Variants in KCTD15 observed in about 807,000 individuals in gnomAD.
The protein encoded by KCTD15 is BTB/POZ domain-containing protein KCTD15.
A neutral mutation model predicts 27.2 loss-of-function variants in KCTD15; 11 were observed. The observed-to-expected ratio is 0.41, with a 90% CI of 0.25 to 0.67. The LOEUF (loss-of-function observed/expected upper bound fraction) is 0.67. KCTD15 is among the 30% of genes least tolerant of loss of function. KCTD15 has a pLI of 0.35. For synonymous variants in KCTD15, 163 were observed against 176.0 expected, an observed-to-expected ratio of 0.93 and a Z score of 0.58; for missense variants, 350 against 409.3, an observed-to-expected ratio of 0.86 and a Z score of 1.25.
intron 4 of KCTD15, among the ~76,000 whole-genome samples, chr19:33,802,709 T>C (rs1568377923): frequency 6.6e-6 from 1 of 152,226 alleles, no homozygotes; most frequent in Non-Finnish European, 1.5e-5. Flanking sequence ...AGATAGATTC[T>C]GCTTATTTAA....
At chr19:33,796,055 C>G (rs565826361), upstream of KCTD15, 1 of 152,278 alleles carries the variant, frequency 6.6e-6, no homozygotes, top group East Asian at 1.9e-4. Flanking sequence ...CAGCCCCGGG[C>G]GCCGCGGCGG....
At chr19:33,810,479 A>C (rs1229538914) in intron 5 of KCTD15, among the ~76,000 whole-genome samples, 1 of 152,164 alleles carries the variant, frequency 6.6e-6, no homozygotes, top group African/African-American at 2.4e-5. Flanking sequence ...CAGGAGTTCA[A>C]GACCAGCCTG....
At chr19:33,795,763 C>T (rs1416298004), upstream of KCTD15, among the ~76,000 whole-genome samples, 1 of 152,068 alleles carries the variant, frequency 6.6e-6, no homozygotes, top group Non-Finnish European at 1.5e-5. Context: ...GAGGGGCGTC[C>T]GGGGCGCGGA....
upstream of KCTD15, among the ~76,000 whole-genome samples, chr19:33,794,061 T>A (rs762394228): frequency 6.6e-6 from 1 of 151,888 alleles, no homozygotes; most frequent in Non-Finnish European, 1.5e-5. Flanking sequence ...ATTTTTATTA[T>A]AATTGGTATA....
At chr19:33,803,228 C>G (rs996779810) in intron 4 of KCTD15, among the ~76,000 whole-genome samples, 1 of 152,150 alleles carries the variant, frequency 6.6e-6, no homozygotes, top group Non-Finnish European at 1.5e-5. Flanking sequence ...GGATGGCTGA[C>G]CTGCAGGACA....
chr19:33,810,451 A>G (rs1047732659), intron 5 of KCTD15, among the ~76,000 whole-genome samples: 1 of 152,162 alleles, frequency 6.6e-6, no homozygotes, highest in African/African-American at 2.4e-5. Context: ...AGGCCGAGGC[A>G]GGTGGATCAC....
intron 4 of KCTD15, among the ~76,000 whole-genome samples, chr19:33,803,383 C>T (rs1975621731): frequency 6.6e-6 from 1 of 152,220 alleles, no homozygotes; most frequent in South Asian, 2.1e-4. Flanking sequence ...ATCAATCTCA[C>T]CTAGTGTCAC....
chr19:33,811,316 T>C lies in KCTD15; in HGVS notation c.457T>C (p.Trp153Arg), dbSNP rs1975902312. 5 of 1,551,736 alleles carry C rather than the reference T, an allele frequency of 3.2e-6. No individual in the cohort carries two copies. The highest frequency in any genetic ancestry group is 4.4e-6 in the Non-Finnish European group (5 of 1,147,768). The change falls in exon 6 of 7, where the codon TGG becomes CGG. Residue 153 changes from tryptophan (W) to arginine (R), a missense_variant. Transcript: ENST00000683859. ...LQPMVRELER[W>R]QQEQEQRRRS... ...GCCCATGGTGCGCGAGCTGGAGCGC[T>C]GGCAGCAGGAGCAGGAGCAGCGGCG... is the stretch of plus-strand genomic sequence containing the variant.
At position 33,815,004 on chromosome 19, in the gene KCTD15, T is replaced by A. The variant is rs1328484364; in HGVS notation, c.*2056T>A. The A allele has an allele frequency of 6.6e-6, 1 of 152,236 alleles. No homozygotes were observed. The highest frequency in any genetic ancestry group is 1.5e-5 in the Non-Finnish European group (1 of 68,038). 9.4% of individuals were successfully genotyped at this position (152,236 alleles called of 1,614,324 possible). Reference sequence around the variant, plus strand: ...GTTGGCACATCTGCGTTTTGGCATCTGAGGCTCCCATCTGAGTGGAGGAGA... The same window carrying A: ...GTTGGCACATCTGCGTTTTGGCATCAGAGGCTCCCATCTGAGTGGAGGAGA... On this transcript the variant is annotated 3_prime_UTR_variant, in exon 7 of 7. Transcript: ENST00000683859.
chr19:33,801,408 T>G, intron 4 of KCTD15, 66 bp downstream of exon 4: 1 of 1,405,606 alleles, frequency 7.1e-7, no homozygotes, highest in South Asian at 1.4e-5. Flanking sequence ...ATCTGCTGCC[T>G]AGGGGGTGGG....
intron 1 of KCTD15, chr19:33,797,415 G>C (rs1429571571): frequency 4.4e-6 from 2 of 455,030 alleles, no homozygotes; most frequent in South Asian, 1.6e-5. Context: ...GGATGCACAA[G>C]TCCCGGCTTG....
At position 33,813,235 on chromosome 19, in the gene KCTD15, G is replaced by GC. The variant is rs1341009843; in HGVS notation, c.*291dup. 3 of 632,068 alleles carry GC rather than the reference G, an allele frequency of 4.7e-6. No homozygotes were observed. The Admixed American group carries it at 6.5e-5, about 14-fold the overall frequency. 39.2% of individuals were successfully genotyped at this position (632,068 alleles called of 1,614,324 possible). A position where few individuals can be genotyped will look rare whatever the true frequency, so the allele number is the denominator to read the frequency against. ...GCAGCCTGGCGCAGCATCCTCTGAG[G>GC]CCCCGGGGCCTGTTGGGGCGGGGTT... is the stretch of plus-strand genomic sequence containing the variant. On this transcript the variant is annotated 3_prime_UTR_variant, in exon 7 of 7. Transcript: ENST00000683859.
chr19:33,795,712 T>G (rs1599661815), upstream of KCTD15, among the ~76,000 whole-genome samples: 1 of 147,906 alleles, frequency 6.8e-6, no homozygotes, highest in Non-Finnish European at 1.5e-5. Flanking sequence ...GGAGTGGGAG[T>G]GGGAGAAAAG....
In KCTD15 at chr19:33,814,989, C is replaced by G. The variant is rs1172469980; in HGVS notation, c.*2041C>G. The G allele has an allele frequency of 1.3e-5, 2 of 152,182 alleles. No homozygotes were observed. The highest frequency in any genetic ancestry group is 2.9e-5 in the Non-Finnish European group (2 of 68,046). 9.4% of individuals were successfully genotyped at this position (152,182 alleles called of 1,614,324 possible). On this transcript the variant is annotated 3_prime_UTR_variant, in exon 7 of 7. Transcript: ENST00000683859. The stretch of plus-strand genomic sequence containing the variant: ...ACGAGCCTATAGTTAGTTGGCACAT[C>G]TGCGTTTTGGCATCTGAGGCTCCCA...
intron 4 of KCTD15, among the ~76,000 whole-genome samples, chr19:33,805,987 G>A (rs1330877626): frequency 2.6e-5 from 4 of 152,360 alleles, no homozygotes; most frequent in African/African-American, 9.6e-5. Context: ...CAGGGTACCG[G>A]CACCTGCCTT....
chr19:33,794,372 C>T (rs1975261713), upstream of KCTD15, among the ~76,000 whole-genome samples: 1 of 152,222 alleles, frequency 6.6e-6, no homozygotes, highest in Admixed American at 6.5e-5. Flanking sequence ...ATCATGAATA[C>T]CCATACTAAT....
intron 4 of KCTD15, among the ~76,000 whole-genome samples, chr19:33,804,345 C>T (rs986942365): frequency 5.9e-5 from 9 of 152,220 alleles, no homozygotes; most frequent in African/African-American, 2.2e-4. Context: ...AGAACCCATC[C>T]AGCCCTGGAA....
intron 1 of KCTD15, chr19:33,798,326 C>T (rs934338103): frequency 6.6e-6 from 1 of 152,262 alleles, no homozygotes; most frequent in African/African-American, 2.4e-5. Flanking sequence ...TGCCGCAGCT[C>T]AGCCAGTTTA....
intron 6 of KCTD15, chr19:33,811,979 A>C: frequency 6.7e-7 from 1 of 1,491,166 alleles, no homozygotes; most frequent in South Asian, 1.4e-5. Flanking sequence ...ACCAGCTGCC[A>C]AGAGAATCCC....
Sources: gnomAD v4.1 joint callset for allele counts (sites outside exome capture counted in the v4.1 genomes callset) on GRCh38, gnomAD v4.1.1 for gene constraint, MANE v1.5 for transcripts, NCBI Gene and HGNC (gene_info 2026-07-23, HGNC 2026-07-21) for gene names.